The following ZC3H14 variants were observed in gnomAD, a reference collection of about 807,000 sequenced individuals.
The protein encoded by ZC3H14 is zinc finger CCCH-type containing 14.
In ZC3H14, 31 loss-of-function variants were observed where a neutral mutation model predicts 92.4. The ratio of observed to expected loss-of-function variants is 0.34; its 90% CI spans 0.25 to 0.45. ZC3H14 has a LOEUF of 0.45. ZC3H14 is among the 20% of genes least tolerant of loss of function. ZC3H14 has a pLI of 1.00. For synonymous variants in ZC3H14, 321 were observed against 300.9 expected (o/e 1.07, Z -0.69); for missense variants, 781 against 897.3 (o/e 0.87, Z 1.66).
chr14:88,590,373 T>G (rs1037464727), intron 9 of ZC3H14: 12 of 153,170 alleles, frequency 7.8e-5, no homozygotes, highest in African/African-American at 2.7e-4. Flanking sequence ...ATCACCCACC[T>G]GCCTCCCTCT....
At chr14:88,603,669 T>C (rs550308534) in intron 12 of ZC3H14, among the ~76,000 whole-genome samples, 26 of 152,318 alleles carry the variant, frequency 1.7e-4, no homozygotes, top group Admixed American at 1.6e-3. Flanking sequence ...TTTCCATTCA[T>C]GATAGAGAAT....
In ZC3H14 at chr14:88,625,022, T is replaced by G. The variant is rs1251969485; in HGVS notation, c.*13271T>G. 2 of 1,613,670 alleles carry G rather than the reference T, an allele frequency of 1.2e-6. No individual in the cohort carries two copies. The highest frequency in any genetic ancestry group is 1.7e-5 in the Admixed American group (1 of 60,000). ...AGTCCATCTCGCAGGGTGGTGTACA[T>G]GGCAAACACAGGCCCGTTGTGAGCT... is the stretch of plus-strand genomic sequence containing the variant. On this transcript the variant is annotated 3_prime_UTR_variant, in exon 17 of 17. Coordinates refer to ENST00000251038, the MANE Select transcript of ZC3H14 (RefSeq NM_024824.5).
At chr14:88,578,781 G>GTTTTTTTTTTT (rs35101368) in intron 9 of ZC3H14, among the ~76,000 whole-genome samples, 286 of 76,892 alleles carry the variant, frequency 3.7e-3, no homozygotes, top group Non-Finnish European at 4.2e-3. Context: ...TTGCTTCCAG[G>GTTTTTTTTTTT]TTTTTTTTTT....
At chr14:88,600,337 C>T (rs114049516) in intron 10 of ZC3H14, among the ~76,000 whole-genome samples, 2,365 of 152,334 alleles carry the variant, frequency 0.016, 56 homozygotes, top group African/African-American at 0.051. Context: ...CTGTCCCGGG[C>T]AACAGCAGGT....
chr14:88,625,319 C>T lies in ZC3H14; in HGVS notation c.*13568C>T, dbSNP rs1321546858. On this transcript the variant is annotated 3_prime_UTR_variant, in exon 17 of 17. Transcript: ENST00000251038. ...GGCTTAGCTTTGTCAGGACCTTTTC[C>T]TTTCCAAGTCTGTTGCTTATTAGCT... The T allele has an allele frequency of 1.8e-6, 1 of 562,624 alleles. No homozygotes were observed. The highest frequency in any genetic ancestry group is 3.0e-6 in the Non-Finnish European group (1 of 328,030). The allele number at this position is 562,624 out of a possible 1,614,324, so 34.9% of individuals were successfully genotyped here.
intron 9 of ZC3H14, among the ~76,000 whole-genome samples, chr14:88,582,375 G>GA (rs2082004201): frequency 6.6e-6 from 1 of 152,124 alleles, no homozygotes; most frequent in African/African-American, 2.4e-5. Flanking sequence ...TGTGCAGCCG[G>GA]AAAAATAGTG....
In ZC3H14 at chr14:88,621,676, A is replaced by G. The variant is rs953160754; in HGVS notation, c.*9925A>G. On this transcript the variant is annotated 3_prime_UTR_variant, in exon 17 of 17. Transcript: ENST00000251038. ...TTAGTTAAAAAGTAAAAGCTTAACTACAATTTAATATGCAGGCTGAAGATA... is the reference window on the plus strand; with the variant it reads ...TTAGTTAAAAAGTAAAAGCTTAACTGCAATTTAATATGCAGGCTGAAGATA... The G allele has an allele frequency of 4.7e-5, 13 of 279,024 alleles. No individual in the cohort carries two copies. The highest frequency in any genetic ancestry group is 2.9e-4 in the African/African-American group (13 of 45,418). 17.3% of individuals were successfully genotyped at this position (279,024 alleles called of 1,614,324 possible).
intron 9 of ZC3H14, among the ~76,000 whole-genome samples, chr14:88,578,514 G>C (rs1434149072): frequency 2.0e-4 from 31 of 152,170 alleles, no homozygotes; most frequent in Non-Finnish European, 2.9e-5. Flanking sequence ...GGAAAGGCTA[G>C]TACAGTGAAC....
Position 88,608,455 on chromosome 14 carries a change from TTATAAC to T in ZC3H14, c.1869-809_1869-804del, listed in dbSNP as rs1374132887. On this transcript the variant is annotated intron_variant, in intron 13 of 16. Coordinates refer to ENST00000251038, the MANE Select transcript of ZC3H14 (RefSeq NM_024824.5). ...TTTTTCTGTGGACAAGTTTTTAGTT[TTATAAC>T]TAAATGGAGTGACAATTACCATGGC... 8 of 312,998 alleles carry T rather than the reference TTATAAC, an allele frequency of 2.6e-5. No individual in the cohort carries two copies. The East Asian group carries it at 7.6e-4, about 30-fold the overall frequency. The allele number at this position is 312,998 out of a possible 1,614,324, so 19.4% of individuals were successfully genotyped here. A position where few individuals can be genotyped will look rare whatever the true frequency, so the allele number is the denominator to read the frequency against.
rs2089713160 is a variant in ZC3H14, at chr14:88,625,069, A to G, written c.*13318A>G. 6.2e-7 allele frequency: 1 copy of G among 1,613,826 alleles called. No individual in the cohort carries two copies. Among genetic ancestry groups the G allele is most frequent in the Non-Finnish European group, 8.5e-7 (1 of 1,179,864 alleles). On this transcript the variant is annotated 3_prime_UTR_variant, in exon 17 of 17. Transcript: ENST00000251038. ...AGCTCTCGCCACGATTCTACACAAT[A>G]TGTGATCTTTCCACACACAGACATC...
At position 88,624,824 on chromosome 14, in the gene ZC3H14, A is replaced by G; in HGVS notation, c.*13073A>G. On this transcript the variant is annotated 3_prime_UTR_variant, in exon 17 of 17. Coordinates refer to ENST00000251038, the MANE Select transcript of ZC3H14 (RefSeq NM_024824.5). ...CAGAAATGAGAATCAAATAGAAGGCACATAAAAGGTAATAAAGGAGAAGCA... is the reference window on the plus strand; with the variant it reads ...CAGAAATGAGAATCAAATAGAAGGCGCATAAAAGGTAATAAAGGAGAAGCA... 1 of 864,966 alleles carries G rather than the reference A, an allele frequency of 1.2e-6. No individual in the cohort carries two copies. The highest frequency in any genetic ancestry group is 2.8e-5 in the East Asian group (1 of 36,302). 53.6% of individuals were successfully genotyped at this position (864,966 alleles called of 1,614,324 possible).
In ZC3H14 at chr14:88,611,788, G is replaced by T. The variant is rs1405731669; in HGVS notation, c.*37G>T. On this transcript the variant is annotated 3_prime_UTR_variant, in exon 17 of 17. Coordinates refer to ENST00000251038, the MANE Select transcript of ZC3H14 (RefSeq NM_024824.5). ...GCCTGGCAGAAGATCATGCAGTTTG[G>T]AAGTTTTCATGTACTGATGAAAGAT... 1.2e-6 allele frequency: 2 copies of T among 1,613,856 alleles called. No individual in the cohort carries two copies. Among genetic ancestry groups the T allele is most frequent in the Admixed American group, 3.3e-5 (2 of 60,012 alleles).
chr14:88,571,941 C>T (rs987973754), intron 4 of ZC3H14, 89 bp from the exon 5 acceptor site: 12 of 1,105,530 alleles, frequency 1.1e-5, no homozygotes, highest in African/African-American at 3.3e-5. Context: ...TCCAGCCTGG[C>T]GACAGAGCGA....
rs1479544250 is a variant in ZC3H14 at position 88,572,746 on chromosome 14, A to G, written c.600A>G (p.Thr200=). Residue 200 remains threonine (T), a synonymous_variant, in exon 6 of 17, where the codon ACA becomes ACG. Coordinates refer to ENST00000251038, the MANE Select transcript of ZC3H14 (RefSeq NM_024824.5). ...ATCCCTTATCTCAGAAAAAACCTAC[A>G]GTGACACTTACATATGGTTCTTCTC... is the stretch of plus-strand genomic sequence containing the variant. ...QENPLSQKKP[T]VTLTYGSSRP... The G allele has an allele frequency of 6.2e-7, 1 of 1,614,230 alleles. No individual in the cohort carries two copies. Among genetic ancestry groups the G allele is most frequent in the Non-Finnish European group, 8.5e-7 (1 of 1,180,044 alleles).
chr14:88,582,721 T>G (rs2082047318), intron 9 of ZC3H14, among the ~76,000 whole-genome samples: 1 of 152,190 alleles, frequency 6.6e-6, no homozygotes, highest in South Asian at 2.1e-4. Flanking sequence ...ATAATTGAAA[T>G]GGTGTCAGGT....
At chr14:88,579,166 T>C (rs1308600175) in intron 9 of ZC3H14, among the ~76,000 whole-genome samples, 2 of 152,236 alleles carry the variant, frequency 1.3e-5, no homozygotes, top group African/African-American at 2.4e-5. Context: ...TCTTCAAAAC[T>C]GTCCTTTAAA....
intron 1 of ZC3H14, 167 bp from the exon 2 acceptor site, chr14:88,563,484 T>C (rs2079140357): frequency 6.7e-7 from 1 of 1,489,520 alleles, no homozygotes; most frequent in African/African-American, 1.5e-5. Flanking sequence ...GGGCTGGAGC[T>C]GGAGTGGGGT....
intron 10 of ZC3H14, among the ~76,000 whole-genome samples, chr14:88,598,185 G>A (rs923810906): frequency 2.0e-5 from 3 of 152,006 alleles, no homozygotes; most frequent in Non-Finnish European, 2.9e-5. Flanking sequence ...GCACTCAGAA[G>A]GTCACTGGTA....
chr14:88,621,783 A>T lies in ZC3H14; in HGVS notation c.*10032A>T. ...ATAGGAGTTGTAGTTTTGAATTTTT[A>T]TTTTGAAATTGACACATAATTATAC... is the stretch of plus-strand genomic sequence containing the variant. On this transcript the variant is annotated 3_prime_UTR_variant, in exon 17 of 17. Transcript: ENST00000251038. 1 of 355,390 alleles carries T rather than the reference A, an allele frequency of 2.8e-6. No homozygotes were observed. Among genetic ancestry groups the T allele is most frequent in the Non-Finnish European group, 5.6e-6 (1 of 177,436 alleles). The allele number at this position is 355,390 out of a possible 1,614,324, so 22.0% of individuals were successfully genotyped here.
Sources: allele counts gnomAD v4.1 joint callset (sites outside exome capture counted in the v4.1 genomes callset), GRCh38; gene constraint gnomAD v4.1.1; transcripts MANE v1.5; gene names NCBI Gene and HGNC (gene_info 2026-07-23, HGNC 2026-07-21).